CLDN20: variants seen among roughly 807,000 people sequenced by gnomAD.
The protein encoded by CLDN20 is claudin-20.
For synonymous variants in CLDN20, 104 were observed against 103.6 expected (o/e 1.00, Z -0.03); for missense variants, 258 against 267.9 (o/e 0.96, Z 0.26).
At chr6:155,267,674 A>G (rs989891791) in intron 1 of CLDN20, among the ~76,000 whole-genome samples, 3 of 152,152 alleles carry the variant, frequency 2.0e-5, no homozygotes, top group African/African-American at 7.2e-5. Context: ...TAGAAAGTGT[A>G]AATTTTGGAG....
intron 1 of CLDN20, among the ~76,000 whole-genome samples, chr6:155,272,315 A>G (rs1415870124): frequency 6.6e-6 from 1 of 152,224 alleles, no homozygotes; most frequent in Non-Finnish European, 1.5e-5. Flanking sequence ...ATATAAATAA[A>G]CCTTGTCTGG....
chr6:155,274,772 G>A (rs887482149), intron 1 of CLDN20, among the ~76,000 whole-genome samples: 83 of 152,280 alleles, frequency 5.5e-4, no homozygotes, highest in African/African-American at 1.8e-3. Context: ...GGTTCACTTG[G>A]GCTATGTGCC....
intron 1 of CLDN20, among the ~76,000 whole-genome samples, chr6:155,267,714 G>A (rs149289899): frequency 1.3e-3 from 198 of 152,262 alleles, no homozygotes; most frequent in Non-Finnish European, 1.9e-3. Context: ...TGCCCTGAGT[G>A]CTTTTTCCTC....
chr6:155,272,586 G>T (rs1784980310), intron 1 of CLDN20, among the ~76,000 whole-genome samples: 1 of 151,914 alleles, frequency 6.6e-6, no homozygotes, highest in Non-Finnish European at 1.5e-5. Flanking sequence ...AATTTTGAGA[G>T]AACAGGCCAC....
intron 1 of CLDN20, among the ~76,000 whole-genome samples, chr6:155,272,107 G>A (rs1002895379): frequency 4.6e-5 from 7 of 152,042 alleles, no homozygotes; most frequent in Non-Finnish European, 8.8e-5. Context: ...TAAGCCTCAC[G>A]TATATGGTTT....
At chr6:155,269,066 A>C (rs1269817962) in intron 1 of CLDN20, among the ~76,000 whole-genome samples, 1 of 151,400 alleles carries the variant, frequency 6.6e-6, no homozygotes, top group Non-Finnish European at 1.5e-5. Context: ...TGGACTTTGC[A>C]GGACTGAGAA....
chr6:155,275,963 G>A lies in CLDN20; in HGVS notation c.244G>A (p.Ala82Thr), dbSNP rs759066859. The change falls in exon 2 of 2, where the codon GCC becomes ACC. Residue 82 changes from alanine (A) to threonine (T), a missense_variant. By Grantham distance (58) the Ala-to-Thr change is moderately conservative. Coordinates refer to ENST00000367165, the MANE Select transcript of CLDN20 (RefSeq NM_001001346.3). ...SLPIHVQAAR[A>T]TMVLACVLSA... ...CCCCATCCACGTGCAGGCTGCGAGA[G>A]CCACCATGGTCCTGGCGTGTGTTCT... is the stretch of plus-strand genomic sequence containing the variant. 1.2e-6 allele frequency: 2 copies of A among 1,614,154 alleles called. No homozygotes were observed. Among genetic ancestry groups the A allele is most frequent in the South Asian group, 2.2e-5 (2 of 91,074 alleles).
Position 155,265,355 on chromosome 6 carries a change from T to C in CLDN20, c.-105+1067T>C, listed in dbSNP as rs118119163. On this transcript the variant is annotated intron_variant, in intron 1 of 1. Coordinates refer to ENST00000367165, the MANE Select transcript of CLDN20 (RefSeq NM_001001346.3). ...TTGATAAATGCTGCTAGTAATATTATTAAAAGACTGAGAAATAGAACATGC... is the reference window on the plus strand; with the variant it reads ...TTGATAAATGCTGCTAGTAATATTACTAAAAGACTGAGAAATAGAACATGC... Among the ~76,000 whole-genome samples the C allele has an allele frequency of 2.9e-4, 44 of 152,334 alleles. No individual in the cohort carries two copies. The East Asian group carries it at 8.5e-3, about 29-fold the overall frequency.
At chr6:155,272,721 G>GA (rs1784992584) in intron 1 of CLDN20, among the ~76,000 whole-genome samples, 1 of 151,566 alleles carries the variant, frequency 6.6e-6, no homozygotes, top group Non-Finnish European at 1.5e-5. Context: ...TCTCTATGCA[G>GA]AAAAAAAAGC....
chr6:155,266,710 G>C (rs1300663087), intron 1 of CLDN20, among the ~76,000 whole-genome samples: 1 of 151,900 alleles, frequency 6.6e-6, no homozygotes, highest in Non-Finnish European at 1.5e-5. Context: ...AGCCAGGCGT[G>C]GTGGCGGCCG....
At position 155,264,240 on chromosome 6, in the gene CLDN20, G is replaced by A. The variant is rs1031855292; in HGVS notation, c.-153G>A. 4 of 152,106 alleles carry A rather than the reference G, an allele frequency of 2.6e-5. No individual in the cohort carries two copies. Among genetic ancestry groups the A allele is most frequent in the African/African-American group, 9.7e-5 (4 of 41,400 alleles). The allele number at this position is 152,106 out of a possible 1,614,324, so 9.4% of individuals were successfully genotyped here. Reference sequence around the variant, plus strand: ...CTTCAAGTACCTCCACCAAGCTAATGACAGTCCACTTTAGGACATCACGGG... The same window carrying A: ...CTTCAAGTACCTCCACCAAGCTAATAACAGTCCACTTTAGGACATCACGGG... On this transcript the variant is annotated 5_prime_UTR_variant, in exon 1 of 2. It removes an upstream start codon present in the reference 5' UTR. Coordinates refer to ENST00000367165, the MANE Select transcript of CLDN20 (RefSeq NM_001001346.3).
At chr6:155,272,969 A>G (rs1290288778) in intron 1 of CLDN20, among the ~76,000 whole-genome samples, 2 of 152,242 alleles carry the variant, frequency 1.3e-5, no homozygotes, top group Non-Finnish European at 2.9e-5. Context: ...TATTCAGTCA[A>G]AGTAGAAAGA....
rs572367547 is a variant in CLDN20, at chr6:155,264,177, G to C, written c.-216G>C. The C allele has an allele frequency of 6.6e-6, 1 of 152,044 alleles. No individual in the cohort carries two copies. Among genetic ancestry groups the C allele is most frequent in the Non-Finnish European group, 1.5e-5 (1 of 68,016 alleles). The allele number at this position is 152,044 out of a possible 1,614,324, so 9.4% of individuals were successfully genotyped here. A position where few individuals can be genotyped will look rare whatever the true frequency, so the allele number is the denominator to read the frequency against. On this transcript the variant is annotated 5_prime_UTR_variant, in exon 1 of 2. Coordinates refer to ENST00000367165, the MANE Select transcript of CLDN20 (RefSeq NM_001001346.3). ...ACAACGGAGCAAGATGAGTGCCTCC[G>C]GATGCTTGGTTTCCCCACCCTCCAG...
Position 155,276,159 on chromosome 6 carries a change from T to G in CLDN20, c.440T>G (p.Phe147Cys), listed in dbSNP as rs772064438. The stretch of plus-strand genomic sequence containing the variant: ...TACACAAAGGAGATCATAGCAAACT[T>G]TCTGGATCTGACAGTTCCAGAAAGC... The part of the protein sequence containing the change: ...VWYTKEIIAN[F>C]LDLTVPESNK... Residue 147 changes from phenylalanine (F) to cysteine (C), a missense_variant, in exon 2 of 2, where the codon TTT (phenylalanine) becomes TGT (cysteine). By Grantham distance (205) the Phe-to-Cys change is radical. Transcript: ENST00000367165. 6.2e-7 allele frequency: 1 copy of G among 1,614,186 alleles called. No homozygotes were observed. Among genetic ancestry groups the G allele is most frequent in the Admixed American group, 1.7e-5 (1 of 60,014 alleles).
chr6:155,274,737 C>A (rs1583328292), intron 1 of CLDN20, among the ~76,000 whole-genome samples: 1 of 152,230 alleles, frequency 6.6e-6, no homozygotes, highest in East Asian at 1.9e-4. Flanking sequence ...AGACTTCTTT[C>A]CACTGCTGTC....
intron 1 of CLDN20, among the ~76,000 whole-genome samples, chr6:155,273,165 A>C (rs1466017742): frequency 1.3e-5 from 2 of 152,066 alleles, no homozygotes; most frequent in African/African-American, 4.8e-5. Context: ...CATGTGCTTG[A>C]TTTTTTTTCT....
chr6:155,266,802 G>T (rs1381116887), intron 1 of CLDN20, among the ~76,000 whole-genome samples: 3 of 135,790 alleles, frequency 2.2e-5, no homozygotes, highest in African/African-American at 8.6e-5. Context: ...AGCTGAGATC[G>T]TGCCACTGCA....
Position 155,266,846 on chromosome 6 carries a change from CAAAAAAAAAAAAAAAAAAA to C in CLDN20, c.-105+2566_-105+2584del, listed in dbSNP as rs1213939199. ...TGGGCGACAGAGCGAGACTCCGTCT[CAAAAAAAAAAAAAAAAAAA>C]AAAAAAAGAATGACCAAATGAGCCA... On this transcript the variant is annotated intron_variant, in intron 1 of 1. Transcript: ENST00000367165. 8.0e-5 allele frequency among the ~76,000 whole-genome samples: 5 copies of C among 62,840 alleles called. No individual in the cohort carries two copies. The East Asian group carries it at 2.5e-3, about 32-fold the overall frequency. 41.2% of individuals were successfully genotyped at this position (62,840 alleles called of 152,430 possible).
At chr6:155,266,207 G>A (rs1388369502) in intron 1 of CLDN20, among the ~76,000 whole-genome samples, 1 of 151,992 alleles carries the variant, frequency 6.6e-6, no homozygotes, top group African/African-American at 2.4e-5. Flanking sequence ...TTAAAATTCA[G>A]AACCCCAACT....
Sources: gnomAD v4.1 joint callset for allele counts (sites outside exome capture counted in the v4.1 genomes callset) on GRCh38, gnomAD v4.1.1 for gene constraint, MANE v1.5 for transcripts, NCBI Gene and HGNC (gene_info 2026-07-23, HGNC 2026-07-21) for gene names.